The following GTF3C1 variants were observed in gnomAD, a reference collection of about 807,000 sequenced individuals.
GTF3C1 encodes the protein general transcription factor IIIC subunit 1, also known as general transcription factor 3C polypeptide 1.
Under a neutral mutation model 226.7 loss-of-function variants are expected in GTF3C1, and 57 were observed. The observed-to-expected ratio is 0.25, with a 90% CI of 0.20 to 0.31. GTF3C1 has a LOEUF of 0.31. Among genes scored for constraint, GTF3C1 ranks in the 10% least tolerant of loss-of-function variants. The pLI is 1.00. For missense variants in GTF3C1, 2,217 were observed against 2,776.1 expected (o/e 0.80, Z 4.53); for synonymous variants, 1,090 against 1,084.8 (o/e 1.00, Z -0.09).
chr16:27,464,406 T>C lies in GTF3C1; in HGVS notation c.5786A>G (p.Gln1929Arg). 1 of 1,602,574 alleles carries C rather than the reference T, an allele frequency of 6.2e-7. No individual in the cohort carries two copies. The highest frequency in any genetic ancestry group is 8.5e-7 in the Non-Finnish European group (1 of 1,174,332). Residue 1929 changes from glutamine (Q) to arginine (R), a missense_variant, in exon 34 of 37, where the codon CAA becomes CGA. By Grantham distance (43) the Gln-to-Arg change is conservative. Transcript: ENST00000356183. ...GGAACTGAACTCACCGACACCCTCT[T>C]GGTCTTCCTGTGCTGCTCCCGCTGC... The part of the protein sequence containing the change: ...TAAAGAAQED[Q>R]EGVGEFSSPG...
intron 32 of GTF3C1, among the ~76,000 whole-genome samples, chr16:27,467,201 G>A (rs1049699623): frequency 3.3e-5 from 5 of 152,250 alleles, no homozygotes; most frequent in Non-Finnish European, 4.4e-5. Flanking sequence ...GGCCACTCTC[G>A]ATAGGAAGTA....
At position 27,492,326 on chromosome 16, in the gene GTF3C1, G is replaced by A; in HGVS notation, c.3151+12C>T. On this transcript the variant is annotated intron_variant, in intron 19 of 36. Coordinates refer to ENST00000356183, the MANE Select transcript of GTF3C1 (RefSeq NM_001520.4). This position sits in a 1 kb window ranked among gnomAD's most constrained non-coding sequence, Gnocchi z 5.0. ...AAAGCAGCCAGGTTCAGCCGAGACA[G>A]CCGACACCCACCTAGTGGGGTGTTG... 1 of 1,523,194 alleles carries A rather than the reference G, an allele frequency of 6.6e-7. No homozygotes were observed. The highest frequency in any genetic ancestry group is 1.4e-5 in the African/African-American group (1 of 72,554). 94.4% of individuals were successfully genotyped at this position (1,523,194 alleles called of 1,614,324 possible). A position where few individuals can be genotyped will look rare whatever the true frequency, so the allele number is the denominator to read the frequency against.
Position 27,495,356 on chromosome 16 carries a change from C to G in GTF3C1, c.2487G>C (p.Arg829=), listed in dbSNP as rs148107220. Reference sequence around the variant, plus strand: ...TGCCTGACTCCTGCTTTATCGTTCTCCGTTCACTGATGAAGCTTGGCTTCT... The same window carrying G: ...TGCCTGACTCCTGCTTTATCGTTCTGCGTTCACTGATGAAGCTTGGCTTCT... ...TVEKPSFISE[R]RTIKQESGRA... Residue 829 remains arginine, a synonymous_variant, in exon 15 of 37, where the codon CGG becomes CGC. Coordinates refer to ENST00000356183, the MANE Select transcript of GTF3C1 (RefSeq NM_001520.4). 4.3e-6 allele frequency: 7 copies of G among 1,614,076 alleles called. No individual in the cohort carries two copies. The African/African-American group carries it at 5.3e-5, about 12-fold the overall frequency.
At chr16:27,514,389 G>T (rs564857268) in intron 6 of GTF3C1, among the ~76,000 whole-genome samples, 2 of 152,130 alleles carry the variant, frequency 1.3e-5, no homozygotes, top group Admixed American at 1.3e-4. Flanking sequence ...GGAGACTTTC[G>T]GGACTGTGGA....
intron 7 of GTF3C1, among the ~76,000 whole-genome samples, chr16:27,510,128 G>A (rs1431741292): frequency 6.6e-6 from 1 of 152,164 alleles, no homozygotes; most frequent in Non-Finnish European, 1.5e-5. Context: ...GCTCACGCCT[G>A]TAATCCCAGC....
chr16:27,504,299 A>C (rs530075754), intron 10 of GTF3C1, among the ~76,000 whole-genome samples: 2 of 152,354 alleles, frequency 1.3e-5, no homozygotes, highest in East Asian at 3.9e-4. Context: ...ACAGAGGTGC[A>C]AAGGGGATGG....
chr16:27,517,171 T>C (rs944285526), intron 6 of GTF3C1, among the ~76,000 whole-genome samples: 5 of 152,002 alleles, frequency 3.3e-5, no homozygotes, highest in African/African-American at 9.7e-5. Context: ...GACGGAACAG[T>C]GTAGTGTGTG....
At chr16:27,549,589 TC>T in intron 1 of GTF3C1, 80 bp downstream of exon 1, 1 of 785,912 alleles carries the variant, frequency 1.3e-6, no homozygotes, top group East Asian at 2.7e-5. Flanking sequence ...CCCACTCCAT[TC>T]CCCCGCCCTG....
chr16:27,512,958 G>C (rs1414083639), intron 6 of GTF3C1, among the ~76,000 whole-genome samples: 5 of 152,204 alleles, frequency 3.3e-5, no homozygotes, highest in Non-Finnish European at 7.3e-5. Context: ...ACAACCTGGA[G>C]CGGGACAACC....
chr16:27,517,708 G>C (rs186401776), intron 6 of GTF3C1, among the ~76,000 whole-genome samples: 1 of 152,290 alleles, frequency 6.6e-6, no homozygotes, highest in East Asian at 1.9e-4. Flanking sequence ...AAAAGAGAAG[G>C]AGTGACTCCT....
At chr16:27,487,078 T>C (rs555345440) in intron 23 of GTF3C1, among the ~76,000 whole-genome samples, 1 of 152,312 alleles carries the variant, frequency 6.6e-6, no homozygotes, top group East Asian at 1.9e-4. Flanking sequence ...AAAGACTGTT[T>C]AGCGAGTGTC....
At chr16:27,479,937 A>G (rs955199163) in intron 27 of GTF3C1, among the ~76,000 whole-genome samples, 1 of 152,166 alleles carries the variant, frequency 6.6e-6, no homozygotes, top group African/African-American at 2.4e-5. Context: ...GCGGTGGCTC[A>G]TGCCTGTAAT....
rs1203193755 is a variant in GTF3C1, at chr16:27,532,543, G to A, written c.849+748C>T. Among the ~76,000 whole-genome samples the A allele has an allele frequency of 3.9e-5, 6 of 152,110 alleles. No homozygotes were observed. The East Asian group carries it at 9.7e-4, about 24-fold the overall frequency. ...GTCAGATTGGAAGCAGCTCCCCTCC[G>A]CCTTTCTCCCTCTCGCGCTCCCTTC... On this transcript the variant is annotated intron_variant, in intron 5 of 36. Transcript: ENST00000356183.
intron 6 of GTF3C1, among the ~76,000 whole-genome samples, chr16:27,521,573 T>A (rs2088750855): frequency 6.6e-6 from 1 of 152,266 alleles, no homozygotes. Context: ...GCTCCCCAGG[T>A]GTCTGGGTCC....
At chr16:27,534,337 G>A (rs553870461) in intron 4 of GTF3C1, among the ~76,000 whole-genome samples, 1 of 152,228 alleles carries the variant, frequency 6.6e-6, no homozygotes, top group Non-Finnish European at 1.5e-5. Context: ...GAGGGGTGCA[G>A]GGAGAAATCT....
chr16:27,508,433 G>T, intron 8 of GTF3C1, 107 bp downstream of exon 8: 1 of 855,030 alleles, frequency 1.2e-6, no homozygotes, highest in Non-Finnish European at 1.9e-6. Flanking sequence ...TTGCCTCCTT[G>T]ACACAGATGT....
At position 27,508,531 on chromosome 16, in the gene GTF3C1, T is replaced by G. The variant is rs1312864879; in HGVS notation, c.1242+9A>C. On this transcript the variant is annotated intron_variant, in intron 8 of 36. Transcript: ENST00000356183. ...ACAACGAGTGTTGGGGGAAGGCTCA[T>G]GATGTTACCTTGACAACTTTGAATC... 1 of 1,593,304 alleles carries G rather than the reference T, an allele frequency of 6.3e-7. No homozygotes were observed. Among genetic ancestry groups the G allele is most frequent in the Non-Finnish European group, 8.6e-7 (1 of 1,161,154 alleles).
At chr16:27,505,837 C>T (rs971436436) in intron 10 of GTF3C1, 62 bp downstream of exon 10, 7 of 946,314 alleles carry the variant, frequency 7.4e-6, no homozygotes, top group Admixed American at 1.8e-5. Context: ...TTCCTAAACA[C>T]AGAAACGATG....
At chr16:27,465,143 G>A (rs576191984) in intron 33 of GTF3C1, 117 bp downstream of exon 33, 165 of 935,304 alleles carry the variant, frequency 1.8e-4, no homozygotes, top group East Asian at 1.7e-4. Flanking sequence ...CTAATTCAAC[G>A]TTTAAAAAGA....
Sources: allele counts gnomAD v4.1 joint callset (sites outside exome capture counted in the v4.1 genomes callset), GRCh38; gene constraint gnomAD v4.1.1; non-coding constraint Gnocchi (gnomAD v3.1); transcripts MANE v1.5; gene names NCBI Gene and HGNC (gene_info 2026-07-23, HGNC 2026-07-21).